Variants in ARNT observed in about 807,000 individuals in gnomAD.
ARNT encodes class E basic helix-loop-helix protein 2.
A neutral mutation model predicts 105.0 loss-of-function variants in ARNT; 30 were observed. The observed-to-expected ratio is 0.29, with a 90% CI of 0.21 to 0.39. ARNT has a LOEUF of 0.39. ARNT is among the 10% of genes least tolerant of loss of function. The pLI, the probability that ARNT is intolerant of heterozygous loss-of-function variation, is 1.00. For synonymous variants in ARNT, 304 were observed against 344.0 expected (o/e 0.88, Z 1.29); for missense variants, 748 against 978.7 (o/e 0.76, Z 3.15).
chr1:150,817,617 G>A (rs1656167891), intron 15 of ARNT, among the ~76,000 whole-genome samples, 184 bp from the exon 16 acceptor site: 1 of 152,096 alleles, frequency 6.6e-6, no homozygotes, highest in Non-Finnish European at 1.5e-5. Flanking sequence ...ACACCAGCCT[G>A]GCCAACATGG....
intron 4 of ARNT, among the ~76,000 whole-genome samples, chr1:150,842,863 G>C (rs1218819523): frequency 1.3e-5 from 2 of 152,062 alleles, no homozygotes; most frequent in African/African-American, 4.8e-5. Flanking sequence ...AGGGAATTCA[G>C]GAATACCATT....
At position 150,832,415 on chromosome 1, in the gene ARNT, A is replaced by C; in HGVS notation, c.804-16T>G. 1 of 1,613,824 alleles carries C rather than the reference A, an allele frequency of 6.2e-7. No homozygotes were observed. The highest frequency in any genetic ancestry group is 1.3e-5 in the African/African-American group (1 of 75,036). On this transcript the variant is annotated splice_polypyrimidine_tract_variant and intron_variant, in intron 8 of 21. Coordinates refer to ENST00000358595, the MANE Select transcript of ARNT (RefSeq NM_001668.4). ...ACTGCCACACCTGTTTCAAGGAATAAAGAGATTAAAAGCAATCAGACTGCC... is the reference window on the plus strand; with the variant it reads ...ACTGCCACACCTGTTTCAAGGAATACAGAGATTAAAAGCAATCAGACTGCC...
At position 150,810,092 on chromosome 1, in the gene ARNT, A is replaced by C. The variant is rs1156243188; in HGVS notation, c.*1929T>G. On this transcript the variant is annotated 3_prime_UTR_variant, in exon 22 of 22. Coordinates refer to ENST00000358595, the MANE Select transcript of ARNT (RefSeq NM_001668.4). ...GCAATCAAGATCACACAACACAAGAAATTTTACAAAAGGAAAAAATATTTT... is the reference window on the plus strand; with the variant it reads ...GCAATCAAGATCACACAACACAAGACATTTTACAAAAGGAAAAAATATTTT... 1 of 230,396 alleles carries C rather than the reference A, an allele frequency of 4.3e-6. No individual in the cohort carries two copies. Among genetic ancestry groups the C allele is most frequent in the East Asian group, 6.2e-5 (1 of 16,260 alleles). The allele number at this position is 230,396 out of a possible 1,614,324, so 14.3% of individuals were successfully genotyped here.
At chr1:150,867,490 G>T (rs1666793711) in intron 1 of ARNT, among the ~76,000 whole-genome samples, 1 of 152,148 alleles carries the variant, frequency 6.6e-6, no homozygotes, top group Non-Finnish European at 1.5e-5. Flanking sequence ...TTCAAGACCA[G>T]CCTGGGCAAC....
intron 20 of ARNT, 61 bp downstream of exon 20, chr1:150,814,016 C>T (rs1655299721): frequency 6.3e-7 from 1 of 1,583,078 alleles, no homozygotes; most frequent in Non-Finnish European, 8.6e-7. Context: ...ACTTTAACTA[C>T]CAAATCCTTT....
At chr1:150,864,207 TATG>T (rs1343091651) in intron 1 of ARNT, among the ~76,000 whole-genome samples, 5 of 152,192 alleles carry the variant, frequency 3.3e-5, no homozygotes, top group Admixed American at 1.3e-4. Context: ...TTATGACAAC[TATG>T]ATGTCACTGG....
At chr1:150,839,035 A>G (rs1276214447) in intron 6 of ARNT, among the ~76,000 whole-genome samples, 5 of 152,144 alleles carry the variant, frequency 3.3e-5, no homozygotes, top group African/African-American at 7.2e-5. Context: ...CAGTTCTTCT[A>G]TCACCAAAGG....
At chr1:150,851,041 C>A (rs1447717101) in intron 3 of ARNT, among the ~76,000 whole-genome samples, 1 of 151,184 alleles carries the variant, frequency 6.6e-6, no homozygotes, top group Non-Finnish European at 1.5e-5. Flanking sequence ...AGGAGCCCCT[C>A]CGCCCGGCAG....
chr1:150,823,425 T>C lies in ARNT; in HGVS notation c.1243-80A>G, dbSNP rs587719071. The C allele has an allele frequency of 1.7e-4, 236 of 1,407,962 alleles. No homozygotes were observed. The Admixed American group carries it at 4.1e-3, about 25-fold the overall frequency. 87.2% of individuals were successfully genotyped at this position (1,407,962 alleles called of 1,614,324 possible). A position where few individuals can be genotyped will look rare whatever the true frequency, so the allele number is the denominator to read the frequency against. ...ATAAATAAAAATTTTCCAATTTCTA[T>C]AACCCTAAAACTCTTGTCATTGTCC... On this transcript the variant is annotated intron_variant, in intron 13 of 21. Transcript: ENST00000358595.
chr1:150,821,125 A>G (rs1656975280), intron 14 of ARNT, among the ~76,000 whole-genome samples: 1 of 152,238 alleles, frequency 6.6e-6, no homozygotes, highest in Admixed American at 6.5e-5. Context: ...ACTGTACTGT[A>G]TTTATCGTTA....
chr1:150,873,700 C>T (rs1667820915), intron 1 of ARNT, among the ~76,000 whole-genome samples: 1 of 152,032 alleles, frequency 6.6e-6, no homozygotes, highest in South Asian at 2.1e-4. Context: ...GGGAGGATTG[C>T]TTGAGGACAG....
intron 15 of ARNT, 43 bp downstream of exon 15, chr1:150,817,877 C>G (rs756164238): frequency 6.7e-7 from 1 of 1,489,014 alleles, no homozygotes; most frequent in South Asian, 1.2e-5. Flanking sequence ...ATGACCACCC[C>G]CTGGGTGACT....
intron 6 of ARNT, among the ~76,000 whole-genome samples, chr1:150,838,595 CTTCT>C (rs961186548): frequency 1.3e-5 from 2 of 152,142 alleles, no homozygotes; most frequent in Non-Finnish European, 2.9e-5. Flanking sequence ...ATATTCTCTC[CTTCT>C]TTCTAATCAT....
chr1:150,848,596 T>G (rs1571375105), intron 3 of ARNT, among the ~76,000 whole-genome samples: 1 of 152,310 alleles, frequency 6.6e-6, no homozygotes, highest in East Asian at 1.9e-4. Flanking sequence ...TGGCGCAACC[T>G]CGGCTCACTG....
At chr1:150,830,520 TGTTA>T (rs1659181513) in intron 10 of ARNT, 1 of 152,090 alleles carries the variant, frequency 6.6e-6, no homozygotes, top group Non-Finnish European at 1.5e-5. Flanking sequence ...ATTTTACCCA[TGTTA>T]ATTATAGTAA....
chr1:150,876,599 C>T lies in ARNT; in HGVS notation c.-32G>A. ...AGATGCCACCGCCGCCGCGCCACCCCCCCCCCCAGTGGGAGGAGCCGCCGC... is the reference window on the plus strand; with the variant it reads ...AGATGCCACCGCCGCCGCGCCACCCTCCCCCCCAGTGGGAGGAGCCGCCGC... On this transcript the variant is annotated 5_prime_UTR_variant, in exon 1 of 22. Transcript: ENST00000358595. The T allele has an allele frequency of 6.5e-7, 1 of 1,536,774 alleles. No homozygotes were observed. Among genetic ancestry groups the T allele is most frequent in the Non-Finnish European group, 8.8e-7 (1 of 1,139,486 alleles).
At chr1:150,833,800 T>C (rs1161249768) in intron 8 of ARNT, among the ~76,000 whole-genome samples, 1 of 149,874 alleles carries the variant, frequency 6.7e-6, no homozygotes, top group African/African-American at 2.4e-5. Context: ...AAAGAAGAAA[T>C]GGTCTGAGTA....
At chr1:150,873,012 C>T (rs1667701198) in intron 1 of ARNT, among the ~76,000 whole-genome samples, 3 of 151,702 alleles carry the variant, frequency 2.0e-5, no homozygotes, top group South Asian at 2.1e-4. Context: ...GGGCCGGGCA[C>T]GGTGACTCAA....
chr1:150,849,558 G>C (rs1371261066), intron 3 of ARNT, among the ~76,000 whole-genome samples: 3 of 152,100 alleles, frequency 2.0e-5, no homozygotes, highest in African/African-American at 7.2e-5. Flanking sequence ...GGCCAAGGTG[G>C]GAGGATTGCT....
Sources: gnomAD v4.1 joint callset for allele counts (sites outside exome capture counted in the v4.1 genomes callset) on GRCh38, gnomAD v4.1.1 for gene constraint, MANE v1.5 for transcripts, NCBI Gene and HGNC (gene_info 2026-07-23, HGNC 2026-07-21) for gene names.